Variants in NETO2 observed in about 807,000 individuals in gnomAD.
The protein encoded by NETO2 is neuropilin and tolloid like 2.
A neutral mutation model predicts 62.5 loss-of-function variants in NETO2; 28 were observed. The observed-to-expected ratio is 0.45, with a 90% CI of 0.33 to 0.61. The LOEUF (loss-of-function observed/expected upper bound fraction) is 0.61. Among genes scored for constraint, NETO2 ranks in the 20% least tolerant of loss-of-function variants. The probability of loss-of-function intolerance (pLI) is 0.02; values close to 1 mark genes in which losing one functional copy is unlikely to be tolerated. For synonymous variants in NETO2, 214 were observed against 219.1 expected, an observed-to-expected ratio of 0.98 and a Z score of 0.21; for missense variants, 548 against 643.2, an observed-to-expected ratio of 0.85 and a Z score of 1.60.
chr16:47,119,618 A>G (rs938762679), intron 6 of NETO2, among the ~76,000 whole-genome samples: 1 of 150,074 alleles, frequency 6.7e-6, no homozygotes, highest in Non-Finnish European at 1.5e-5. Context: ...TTTTCTTTTA[A>G]CTTCTTGAGT....
chr16:47,088,895 A>G (rs1188465414), intron 7 of NETO2, among the ~76,000 whole-genome samples: 1 of 152,212 alleles, frequency 6.6e-6, no homozygotes, highest in Non-Finnish European at 1.5e-5. Flanking sequence ...TTAGGTACCT[A>G]GATAACTCCA....
chr16:47,141,852 G>C (rs1415085420), intron 1 of NETO2, among the ~76,000 whole-genome samples: 2 of 152,180 alleles, frequency 1.3e-5, no homozygotes, highest in East Asian at 3.8e-4. Context: ...GCTTCACCAC[G>C]ATGGCCAGAG....
intron 7 of NETO2, among the ~76,000 whole-genome samples, chr16:47,088,576 TCAG>T: frequency 6.6e-6 from 1 of 152,346 alleles, no homozygotes; most frequent in Non-Finnish European, 1.5e-5. Context: ...TATACTGTTT[TCAG>T]AAGGTTTTTC....
intron 6 of NETO2, among the ~76,000 whole-genome samples, chr16:47,119,048 T>C (rs774247103): frequency 4.4e-4 from 67 of 152,122 alleles, no homozygotes; most frequent in Non-Finnish European, 7.6e-4. Context: ...CCTTTTTTGT[T>C]TGGCAGATCT....
At chr16:47,132,679 A>G (rs1964288907) in intron 1 of NETO2, among the ~76,000 whole-genome samples, 1 of 152,192 alleles carries the variant, frequency 6.6e-6, no homozygotes, top group Non-Finnish European at 1.5e-5. Flanking sequence ...ATTTTCATGG[A>G]TGCTGCACTC....
chr16:47,124,533 A>C (rs957334763), intron 4 of NETO2, among the ~76,000 whole-genome samples: 1 of 152,338 alleles, frequency 6.6e-6, no homozygotes, highest in African/African-American at 2.4e-5. Context: ...TTGAAATAAC[A>C]TCAGACAGAC....
At chr16:47,124,145 T>C (rs1034659054) in intron 4 of NETO2, among the ~76,000 whole-genome samples, 17 of 152,240 alleles carry the variant, frequency 1.1e-4, no homozygotes, top group Non-Finnish European at 1.8e-4. Flanking sequence ...TTATGTAGAA[T>C]ATATCTCAGC....
intron 1 of NETO2, among the ~76,000 whole-genome samples, chr16:47,140,109 C>T (rs996082519): frequency 6.6e-6 from 1 of 152,140 alleles, no homozygotes; most frequent in Non-Finnish European, 1.5e-5. Context: ...TTGGAGCCAC[C>T]CTGGTGTTTG....
At chr16:47,136,456 G>A (rs1327316906) in intron 1 of NETO2, among the ~76,000 whole-genome samples, 1 of 152,182 alleles carries the variant, frequency 6.6e-6, no homozygotes, top group East Asian at 1.9e-4. Flanking sequence ...CGCCTATGCT[G>A]GAGTGCAGTG....
At chr16:47,099,569 T>C (rs930196490) in intron 7 of NETO2, among the ~76,000 whole-genome samples, 1 of 151,916 alleles carries the variant, frequency 6.6e-6, no homozygotes, top group Non-Finnish European at 1.5e-5. Context: ...GAGATCCATC[T>C]CATGTGCAAA....
At position 47,081,703 on chromosome 16, in the gene NETO2, C is replaced by T. The variant is rs537985481; in HGVS notation, c.*1518G>A. The T allele has an allele frequency of 2.0e-5, 3 of 152,456 alleles. No individual in the cohort carries two copies. The highest frequency in any genetic ancestry group is 1.3e-4 in the Admixed American group (2 of 15,266). 9.4% of individuals were successfully genotyped at this position (152,456 alleles called of 1,614,324 possible). ...AATTTACCTCTTTTAAATGGCATGT[C>T]TGTATTACTTACAATTTGATAAATG... On this transcript the variant is annotated 3_prime_UTR_variant, in exon 9 of 9. Transcript: ENST00000562435.
chr16:47,136,613 C>G (rs1964365662), intron 1 of NETO2, among the ~76,000 whole-genome samples: 1 of 152,086 alleles, frequency 6.6e-6, no homozygotes, highest in African/African-American at 2.4e-5. Flanking sequence ...ACTGTGTTGG[C>G]CAGGCTGGTC....
intron 4 of NETO2, among the ~76,000 whole-genome samples, chr16:47,124,340 G>C (rs1964109008): frequency 6.6e-6 from 1 of 151,858 alleles, no homozygotes; most frequent in Non-Finnish European, 1.5e-5. Context: ...AGAAATCTAG[G>C]ATATTGTCAT....
intron 7 of NETO2, among the ~76,000 whole-genome samples, chr16:47,106,996 G>A (rs1037537466): frequency 6.6e-6 from 1 of 152,052 alleles, no homozygotes; most frequent in Admixed American, 6.6e-5. Context: ...TGCCCAGGCT[G>A]GTCTCAAACT....
rs534543211 is a variant in NETO2 at position 47,132,988 on chromosome 16, G to T, written c.35-963C>A. Among the ~76,000 whole-genome samples the T allele has an allele frequency of 1.1e-4, 17 of 152,300 alleles. No individual in the cohort carries two copies. The East Asian group carries it at 3.3e-3, about 29-fold the overall frequency. On this transcript the variant is annotated intron_variant, in intron 1 of 8. Transcript: ENST00000562435. ...GGTCAACCTCATTGGTGGTTGTGAA[G>T]ATTAAATGAGATAATGTATATAGTA...
chr16:47,104,671 C>A (rs995194965), intron 7 of NETO2, among the ~76,000 whole-genome samples: 1 of 152,150 alleles, frequency 6.6e-6, no homozygotes, highest in Non-Finnish European at 1.5e-5. Context: ...ACTGGCATAA[C>A]AACAGACATA....
intron 7 of NETO2, among the ~76,000 whole-genome samples, chr16:47,105,308 G>T (rs1390218139): frequency 2.0e-5 from 3 of 152,112 alleles, no homozygotes; most frequent in African/African-American, 7.2e-5. Context: ...TGAAGTTGGA[G>T]CCTTAACTTA....
chr16:47,096,720 T>G (rs1393019781), intron 7 of NETO2, among the ~76,000 whole-genome samples: 1 of 152,162 alleles, frequency 6.6e-6, no homozygotes, highest in Non-Finnish European at 1.5e-5. Context: ...TGTAAAGAAT[T>G]AACACCAATC....
chr16:47,104,932 C>T (rs1253162967), intron 7 of NETO2, among the ~76,000 whole-genome samples: 1 of 152,158 alleles, frequency 6.6e-6, no homozygotes, highest in African/African-American at 2.4e-5. Context: ...GTTGGCCAGG[C>T]TGGTCTCAAA....
Sources: gnomAD v4.1 joint callset for allele counts (sites outside exome capture counted in the v4.1 genomes callset) on GRCh38, gnomAD v4.1.1 for gene constraint, MANE v1.5 for transcripts, NCBI Gene and HGNC (gene_info 2026-07-23, HGNC 2026-07-21) for gene names.